H1-2: variants seen among roughly 807,000 people sequenced by gnomAD.
H1-2 encodes the protein histone H1.2.
H1-2 carries 7 observed loss-of-function variants against 7.2 expected under a neutral mutation model. The ratio of observed to expected loss-of-function variants is 0.97; its 90% confidence interval spans 0.55 to 1.82. The LOEUF (loss-of-function observed/expected upper bound fraction) is 1.82. Ranked by LOEUF, H1-2 falls within the 40% of genes most tolerant of loss-of-function variation. The pLI is 0.00. For synonymous variants in H1-2, 300 were observed against 118.2 expected (o/e 2.54, Z -9.98); for missense variants, 703 against 276.6 (o/e 2.54, Z -10.94).
rs768857990 is a variant in H1-2 at position 26,056,378 on chromosome 6, C to A, written c.51G>T (p.Lys17Asn). Residue 17 changes from lysine (K) to asparagine (N), a missense_variant, in exon 1 of 1, where the codon AAG (lysine) becomes AAT (asparagine). Lys to Asn is a moderately conservative substitution (Grantham distance 94, BLOSUM62 0). Coordinates refer to ENST00000343677, the MANE Select transcript of H1-2 (RefSeq NM_005319.4). ...AAPAAAPPAE[K>N]APVKKKAAKK... ...TGGCCGCCTTCTTCTTTACAGGGGC[C>A]TTCTCCGCAGGAGGCGCGGCAGCGG... 6.2e-7 allele frequency: 1 copy of A among 1,608,212 alleles called. No homozygotes were observed. The highest frequency in any genetic ancestry group is 1.1e-5 in the South Asian group (1 of 90,578).
At position 26,056,362 on chromosome 6, in the gene H1-2, T is replaced by C. The variant is rs760226375; in HGVS notation, c.67A>G (p.Lys23Glu). 6.4e-5 allele frequency: 104 copies of C among 1,613,124 alleles called. No homozygotes were observed. The highest frequency in any genetic ancestry group is 7.2e-5 in the Non-Finnish European group (85 of 1,179,622). ...PPAEKAPVKK[K>E]AAKKAGGTPR... ...GTACCCCCAGCCTTTTTGGCCGCCT[T>C]CTTCTTTACAGGGGCCTTCTCCGCA... The change falls in exon 1 of 1, where the codon AAG becomes GAG. Residue 23 changes from lysine (K) to glutamate (E), a missense_variant. Coordinates refer to ENST00000343677, the MANE Select transcript of H1-2 (RefSeq NM_005319.4).
chr6:26,056,050 T>C lies in H1-2; in HGVS notation c.379A>G (p.Lys127Glu). ...GCTGCCCCAACTGGCTTCTTAGGTTTGGTTCCGCCCGCCTTTTTAACCTTG... is the reference window on the plus strand; with the variant it reads ...GCTGCCCCAACTGGCTTCTTAGGTTCGGTTCCGCCCGCCTTTTTAACCTTG... ...KPKVKKAGGT[K>E]PKKPVGAAKK... Residue 127 changes from lysine (K) to glutamate (E), a missense_variant, in exon 1 of 1, where the codon AAA becomes GAA. Physicochemically the swap from Lys to Glu is moderately conservative, Grantham distance 56. Transcript: ENST00000343677. The C allele has an allele frequency of 6.2e-7, 1 of 1,614,184 alleles. No individual in the cohort carries two copies.
chr6:26,055,820 G>C lies in H1-2; in HGVS notation c.609C>G (p.Val203=), dbSNP rs763385460. 35 of 1,604,626 alleles carry C rather than the reference G, an allele frequency of 2.2e-5. No homozygotes were observed. The highest frequency in any genetic ancestry group is 2.8e-5 in the Non-Finnish European group (33 of 1,177,482). ...TCTTGGGCGCCGCCTTCTTAGGCTTGACAACCTTGGGCTTAGCGGCCTTGG... is the reference window on the plus strand; with the variant it reads ...TCTTGGGCGCCGCCTTCTTAGGCTTCACAACCTTGGGCTTAGCGGCCTTGG... ...VKPKAAKPKV[V]KPKKAAPKKK Residue 203 remains valine, a synonymous_variant, in exon 1 of 1, where the codon GTC becomes GTG. Transcript: ENST00000343677.
At position 26,056,009 on chromosome 6, in the gene H1-2, C is replaced by T. The variant is rs370764227; in HGVS notation, c.420G>A (p.Lys140=). The change falls in exon 1 of 1, where the codon AAG becomes AAA. Residue 140 remains lysine, a synonymous_variant. Coordinates refer to ENST00000343677, the MANE Select transcript of H1-2 (RefSeq NM_005319.4). Reference sequence around the variant, plus strand: ...TCTTCGGAGTTGCGCCGCCAGCCGCCTTCTTGGGCTTCTTGGCTGCCCCAA... The same window carrying T: ...TCTTCGGAGTTGCGCCGCCAGCCGCTTTCTTGGGCTTCTTGGCTGCCCCAA... ...KPVGAAKKPK[K]AAGGATPKKS... 10 of 1,613,460 alleles carry T rather than the reference C, an allele frequency of 6.2e-6. 1 individual carries two copies. The East Asian group carries it at 6.7e-5, about 11-fold the overall frequency.
Position 26,056,303 on chromosome 6 carries a change from C to T in H1-2, c.126G>A (p.Glu42=), listed in dbSNP as rs866500693. 16 of 1,614,030 alleles carry T rather than the reference C, an allele frequency of 9.9e-6. No homozygotes were observed. Among genetic ancestry groups the T allele is most frequent in the East Asian group, 2.2e-5 (1 of 44,882 alleles). ...PRKASGPPVS[E]LITKAVAASK... is the part of the protein sequence containing the mutation. ...AGGCGGCCACAGCCTTGGTGATGAG[C>T]TCTGACACCGGGGGACCAGACGCCT... is the stretch of plus-strand genomic sequence containing the variant. The change falls in exon 1 of 1, where the codon GAG becomes GAA. Residue 42 remains glutamate, a synonymous_variant. Transcript: ENST00000343677.
rs537489957 is a variant in H1-2, at chr6:26,056,051, G to C, written c.378C>G (p.Thr126=). The stretch of plus-strand genomic sequence containing the variant: ...CTGCCCCAACTGGCTTCTTAGGTTT[G>C]GTTCCGCCCGCCTTTTTAACCTTGG... The part of the protein sequence containing the change: ...AKPKVKKAGG[T]KPKKPVGAAK... The change falls in exon 1 of 1, where the codon ACC becomes ACG. Residue 126 remains threonine, a synonymous_variant. Transcript: ENST00000343677. 30 of 1,614,012 alleles carry C rather than the reference G, an allele frequency of 1.9e-5. No individual in the cohort carries two copies. In the South Asian group the frequency reaches 2.5e-4, roughly 14 times the overall value.
chr6:26,056,237 T>A lies in H1-2; in HGVS notation c.192A>T (p.Lys64Asn). 6.2e-7 allele frequency: 1 copy of A among 1,614,202 alleles called. No homozygotes were observed. The highest frequency in any genetic ancestry group is 8.5e-7 in the Non-Finnish European group (1 of 1,180,010). ...CATCATAGCCGGCGGCAGCCAACGC[T>A]TTTTTCAGAGCAGCCAGAGAAACTC... ...RSGVSLAALK[K>N]ALAAAGYDVE... The change falls in exon 1 of 1, where the codon AAA (lysine) becomes AAT (asparagine). Residue 64 changes from lysine to asparagine, a missense_variant. Transcript: ENST00000343677.
Position 26,055,770 on chromosome 6 carries a change from T to G in H1-2, c.*17A>C, listed in dbSNP as rs768469338. On this transcript the variant is annotated 3_prime_UTR_variant, in exon 1 of 1. Coordinates refer to ENST00000343677, the MANE Select transcript of H1-2 (RefSeq NM_005319.4). ...GCTCTGAAAAGAGCCTTTTGGGTTT[T>G]AGAAGTAGGCGTTCGCCTATTTCTT... 6.3e-7 allele frequency: 1 copy of G among 1,578,312 alleles called. No homozygotes were observed. Among genetic ancestry groups the G allele is most frequent in the Non-Finnish European group, 8.6e-7 (1 of 1,169,454 alleles).
chr6:26,056,346 G>C lies in H1-2; in HGVS notation c.83C>G (p.Ala28Gly), dbSNP rs369207433. 9 of 1,613,596 alleles carry C rather than the reference G, an allele frequency of 5.6e-6. No individual in the cohort carries two copies. The highest frequency in any genetic ancestry group is 2.7e-5 in the African/African-American group (2 of 74,840). Reference protein sequence around the residue: ...APVKKKAAKKAGGTPRKASGP... With the variant: ...APVKKKAAKKGGGTPRKASGP... ...AGACGCCTTACGAGGCGTACCCCCA[G>C]CCTTTTTGGCCGCCTTCTTCTTTAC... The change falls in exon 1 of 1, where the codon GCT (alanine) becomes GGT (glycine). Residue 28 changes from alanine (A) to glycine (G), a missense_variant. Physicochemically the swap from Ala to Gly is moderately conservative, Grantham distance 60. Coordinates refer to ENST00000343677, the MANE Select transcript of H1-2 (RefSeq NM_005319.4).
At position 26,056,167 on chromosome 6, in the gene H1-2, C is replaced by G. The variant is rs749425822; in HGVS notation, c.262G>C (p.Val88Leu). Reference protein sequence around the residue: ...SRIKLGLKSLVSKGTLVQTKG... With the variant: ...SRIKLGLKSLLSKGTLVQTKG... Reference sequence around the variant, plus strand: ...GTTTGCACCAGAGTGCCCTTGCTCACCAGGCTCTTGAGACCAAGTTTGATA... The same window carrying G: ...GTTTGCACCAGAGTGCCCTTGCTCAGCAGGCTCTTGAGACCAAGTTTGATA... The change falls in exon 1 of 1, where the codon GTG becomes CTG. Residue 88 changes from valine (V) to leucine (L), a missense_variant. Physicochemically the swap from Val to Leu is conservative, Grantham distance 32 (BLOSUM62 1). Transcript: ENST00000343677. 5.0e-6 allele frequency: 8 copies of G among 1,614,242 alleles called. No homozygotes were observed. In the East Asian group the frequency reaches 1.3e-4, roughly 27 times the overall value.
chr6:26,056,010 T>G lies in H1-2; in HGVS notation c.419A>C (p.Lys140Thr). 1.2e-6 allele frequency: 2 copies of G among 1,613,656 alleles called. No individual in the cohort carries two copies. Among genetic ancestry groups the G allele is most frequent in the South Asian group, 1.1e-5 (1 of 91,064 alleles). Residue 140 changes from lysine (K) to threonine (T), a missense_variant, in exon 1 of 1, where the codon AAG becomes ACG. Physicochemically the swap from Lys to Thr is moderately conservative, Grantham distance 78 (BLOSUM62 -1). Coordinates refer to ENST00000343677, the MANE Select transcript of H1-2 (RefSeq NM_005319.4). ...CTTCGGAGTTGCGCCGCCAGCCGCC[T>G]TCTTGGGCTTCTTGGCTGCCCCAAC... ...KPVGAAKKPK[K>T]AAGGATPKKS...
In H1-2 at chr6:26,056,012, C is replaced by T. The variant is rs547786942; in HGVS notation, c.417G>A (p.Lys139=). Residue 139 remains lysine (K), a synonymous_variant, in exon 1 of 1, where the codon AAG becomes AAA. Coordinates refer to ENST00000343677, the MANE Select transcript of H1-2 (RefSeq NM_005319.4). ...TCGGAGTTGCGCCGCCAGCCGCCTT[C>T]TTGGGCTTCTTGGCTGCCCCAACTG... ...KKPVGAAKKP[K]KAAGGATPKK... 7.4e-6 allele frequency: 12 copies of T among 1,613,530 alleles called. No homozygotes were observed. Among genetic ancestry groups the T allele is most frequent in the Admixed American group, 3.3e-5 (2 of 59,974 alleles).
rs2113700542 is a variant in H1-2, at chr6:26,055,827, T to A, written c.602A>T (p.Lys201Met). 6.2e-7 allele frequency: 1 copy of A among 1,611,620 alleles called. No homozygotes were observed. Reference sequence around the variant, plus strand: ...CGCCGCCTTCTTAGGCTTGACAACCTTGGGCTTAGCGGCCTTGGGCTTCAC... The same window carrying A: ...CGCCGCCTTCTTAGGCTTGACAACCATGGGCTTAGCGGCCTTGGGCTTCAC... ...KAVKPKAAKPKVVKPKKAAPK... is the reference protein window; with the variant it reads ...KAVKPKAAKPMVVKPKKAAPK... The change falls in exon 1 of 1, where the codon AAG becomes ATG. Residue 201 changes from lysine to methionine, a missense_variant. Lys to Met is a moderately conservative substitution (Grantham distance 95). Coordinates refer to ENST00000343677, the MANE Select transcript of H1-2 (RefSeq NM_005319.4).
Position 26,055,937 on chromosome 6 carries a change from G to T in H1-2, c.492C>A (p.Ala164=), listed in dbSNP as rs1581645151. 6.2e-7 allele frequency: 1 copy of T among 1,614,114 alleles called. No homozygotes were observed. The highest frequency in any genetic ancestry group is 8.5e-7 in the Non-Finnish European group (1 of 1,180,018). Residue 164 remains alanine (A), a synonymous_variant, in exon 1 of 1, where the codon GCC becomes GCA. Transcript: ENST00000343677. ...TCTTAGCCACTTTCTTGGTTACAGT[G>T]GCCGCGGCCGGCTTCTTCGCTTTCT... ...TPKKAKKPAA[A]TVTKKVAKSP...
rs996475159 is a variant in H1-2, at chr6:26,056,411, A to G, written c.18T>C (p.Pro6=). 3.8e-6 allele frequency: 6 copies of G among 1,599,316 alleles called. No individual in the cohort carries two copies. The African/African-American group carries it at 8.1e-5, about 22-fold the overall frequency. ...CAGGAGGCGCGGCAGCGGGAGCGGC[A>G]GGAGCAGTCTCGGACATGTTGAGAA... MSETA[P]AAPAAAPPAE... is the part of the protein sequence containing the mutation. Residue 6 remains proline (P), a synonymous_variant, in exon 1 of 1, where the codon CCT becomes CCC. Coordinates refer to ENST00000343677, the MANE Select transcript of H1-2 (RefSeq NM_005319.4).
Position 26,056,272 on chromosome 6 carries a change from C to A in H1-2, c.157G>T (p.Glu53Ter). The change falls in exon 1 of 1, where the codon GAG (glutamate) becomes TAG (stop). Residue 53 changes from glutamate (E) to a stop codon, truncating the protein, a stop_gained. Transcript: ENST00000343677. LOFTEE classifies it high-confidence loss of function. ...GCAGCCAGAGAAACTCCGCTACGCT[C>A]TTTAGAGGCGGCCACAGCCTTGGTG... ...LITKAVAASK[E>*]RSGVSLAALK... The A allele has an allele frequency of 1.2e-6, 2 of 1,614,238 alleles. No homozygotes were observed. The highest frequency in any genetic ancestry group is 1.7e-6 in the Non-Finnish European group (2 of 1,180,046).
rs1225987741 is a variant in H1-2, at chr6:26,056,143, T to C, written c.286A>G (p.Thr96Ala). 8 of 1,614,138 alleles carry C rather than the reference T, an allele frequency of 5.0e-6. No homozygotes were observed. In the African/African-American group the frequency reaches 8.0e-5, roughly 16 times the overall value. The change falls in exon 1 of 1, where the codon ACG (threonine) becomes GCG (alanine). Residue 96 changes from threonine to alanine, a missense_variant. Physicochemically the swap from Thr to Ala is moderately conservative, Grantham distance 58. Coordinates refer to ENST00000343677, the MANE Select transcript of H1-2 (RefSeq NM_005319.4). ...GAGCCAGAAGCACCGGTGCCTTTCG[T>C]TTGCACCAGAGTGCCCTTGCTCACC... ...SLVSKGTLVQ[T>A]KGTGASGSFK...
At position 26,055,900 on chromosome 6, in the gene H1-2, CCTT is replaced by C. The variant is rs1561927016; in HGVS notation, c.526_528del (p.Lys176del). The C allele has an allele frequency of 5.0e-6, 8 of 1,614,180 alleles. No homozygotes were observed. Among genetic ancestry groups the C allele is most frequent in the Admixed American group, 1.7e-5 (1 of 60,030 alleles). On this transcript the variant is annotated inframe_deletion, in exon 1 of 1. Coordinates refer to ENST00000343677, the MANE Select transcript of H1-2 (RefSeq NM_005319.4). ...GCTTTCTTGGGCTTCGCAACCTTGG[CCTT>C]CTTTGGGCTCTTAGCCACTTTCTTG...
In H1-2 at chr6:26,056,373, G is replaced by C. The variant is rs751693792; in HGVS notation, c.56C>G (p.Pro19Arg). The C allele has an allele frequency of 1.2e-6, 2 of 1,611,436 alleles. No individual in the cohort carries two copies. Among genetic ancestry groups the C allele is most frequent in the South Asian group, 1.1e-5 (1 of 90,880 alleles). Reference sequence around the variant, plus strand: ...CTTTTTGGCCGCCTTCTTCTTTACAGGGGCCTTCTCCGCAGGAGGCGCGGC... The same window carrying C: ...CTTTTTGGCCGCCTTCTTCTTTACACGGGCCTTCTCCGCAGGAGGCGCGGC... ...PAAAPPAEKAPVKKKAAKKAG... is the reference protein window; with the variant it reads ...PAAAPPAEKARVKKKAAKKAG... The change falls in exon 1 of 1, where the codon CCT becomes CGT. Residue 19 changes from proline to arginine, a missense_variant. By Grantham distance (103) the Pro-to-Arg change is moderately radical (BLOSUM62 -2). Transcript: ENST00000343677.
Sources: gnomAD v4.1 joint callset for allele counts on GRCh38, gnomAD v4.1.1 for gene constraint, MANE v1.5 for transcripts, NCBI Gene and HGNC (gene_info 2026-07-23, HGNC 2026-07-21) for gene names.